The following RHPN1 variants were observed in gnomAD, a reference collection of about 807,000 sequenced individuals.
RHPN1 encodes the protein rhophilin-1.
Under a neutral mutation model 74.7 loss-of-function variants are expected in RHPN1, and 77 were observed. That is an observed-to-expected ratio of 1.03 (90% CI 0.86 to 1.25). RHPN1 has a LOEUF of 1.25. Among genes scored for constraint, RHPN1 ranks in the 50% most tolerant of loss-of-function variants. The pLI, the probability that RHPN1 is intolerant of heterozygous loss-of-function variation, is 0.00. For synonymous variants in RHPN1, 444 were observed against 414.5 expected (o/e 1.07, Z -0.87); for missense variants, 987 against 932.2 (o/e 1.06, Z -0.77).
At chr8:143,375,899 C>T (rs572952525) in intron 2 of RHPN1, among the ~76,000 whole-genome samples, 3 of 152,236 alleles carry the variant, frequency 2.0e-5, no homozygotes, top group African/African-American at 4.8e-5. Context: ...GTGTCCCTGC[C>T]GGGTGTGCAG....
intron 1 of RHPN1, chr8:143,374,131 C>A: frequency 1.0e-6 from 1 of 985,408 alleles, no homozygotes; most frequent in Non-Finnish European, 1.2e-6. Context: ...AGAACTCTCT[C>A]CAGATATCTA....
At chr8:143,372,005 G>A (rs557295842) in intron 1 of RHPN1, among the ~76,000 whole-genome samples, 1 of 152,354 alleles carries the variant, frequency 6.6e-6, no homozygotes, top group South Asian at 2.1e-4. Flanking sequence ...AGGCCGGGAA[G>A]TCACTTGGCC....
In RHPN1 at chr8:143,376,755, G is replaced by A. The variant is rs1586817711; in HGVS notation, c.305+102G>A. The A allele has an allele frequency of 4.4e-6, 6 of 1,378,982 alleles. No individual in the cohort carries two copies. The East Asian group carries it at 7.6e-5, about 17-fold the overall frequency. The allele number at this position is 1,378,982 out of a possible 1,614,324, so 85.4% of individuals were successfully genotyped here. On this transcript the variant is annotated intron_variant, in intron 3 of 14. Coordinates refer to ENST00000289013, the MANE Select transcript of RHPN1 (RefSeq NM_052924.3). ...CATGTGTGTCTCTGTGTGTATATGT[G>A]TGCATTGTCTGTGTGTGTGCGTGTG...
chr8:143,374,415 G>A (rs753321381), intron 1 of RHPN1: 3 of 750,152 alleles, frequency 4.0e-6, no homozygotes, highest in African/African-American at 3.8e-5. Context: ...GCCTTGTCTT[G>A]CTGCTGACTG....
In RHPN1 at chr8:143,376,512, C is replaced by T. The variant is rs373776018; in HGVS notation, c.177-13C>T. 1.9e-5 allele frequency: 30 copies of T among 1,611,390 alleles called. No individual in the cohort carries two copies. The African/African-American group carries it at 3.1e-4, about 16-fold the overall frequency. On this transcript the variant is annotated splice_polypyrimidine_tract_variant and intron_variant, in intron 2 of 14. Transcript: ENST00000289013. ...CTTGGGGCTGGGCTTTCAACTGCCG[C>T]GGCCTCCCTCAGAGCCACCAGCAAC...
chr8:143,372,260 G>A (rs1249821604), intron 1 of RHPN1, among the ~76,000 whole-genome samples: 7 of 151,976 alleles, frequency 4.6e-5, no homozygotes, highest in South Asian at 4.2e-4. Context: ...CTAGGTACTG[G>A]GCAGAGGCCC....
chr8:143,370,512 C>G lies in RHPN1; in HGVS notation c.60+1465C>G, dbSNP rs566217488. ...GCTCAGAGTTCAGTGGGTCAGGGGT[C>G]GGTCGTTCATCCACTTAGAGGCCAC... On this transcript the variant is annotated intron_variant, in intron 1 of 14. Transcript: ENST00000289013. Among the ~76,000 whole-genome samples, 5 of 152,224 alleles carry G rather than the reference C, an allele frequency of 3.3e-5. No homozygotes were observed. The East Asian group carries it at 9.6e-4, about 29-fold the overall frequency.
chr8:143,379,259 G>T (rs547134811), intron 7 of RHPN1, 56 bp from the exon 8 acceptor site: 1 of 1,489,914 alleles, frequency 6.7e-7, no homozygotes, highest in Non-Finnish European at 9.0e-7. Flanking sequence ...GTGCTGCATG[G>T]GGCAGAGATG....
At chr8:143,375,481 A>G in intron 1 of RHPN1, 72 bp from the exon 2 acceptor site, 2 of 1,037,320 alleles carry the variant, frequency 1.9e-6, no homozygotes, top group Non-Finnish European at 2.8e-6. Flanking sequence ...CACTCCTCTC[A>G]GTGGCTGGCG....
chr8:143,382,677 C>T lies in RHPN1; in HGVS notation c.*26C>T, dbSNP rs376898056. On this transcript the variant is annotated 3_prime_UTR_variant, in exon 15 of 15. Coordinates refer to ENST00000289013, the MANE Select transcript of RHPN1 (RefSeq NM_052924.3). ...GGGCCAGGATCCCTGCACGCCTCAG[C>T]CCTGGCTCCAGCTGGCAGCAAGCAC... 8.9e-6 allele frequency: 14 copies of T among 1,577,300 alleles called. No individual in the cohort carries two copies. Among genetic ancestry groups the T allele is most frequent in the Non-Finnish European group, 1.2e-5 (14 of 1,159,324 alleles).
Position 143,378,566 on chromosome 8 carries a change from C to T in RHPN1, c.460-130C>T, listed in dbSNP as rs148469445. The T allele has an allele frequency of 9.9e-4, 1,284 of 1,296,444 alleles. 13 individuals carry two copies. Among genetic ancestry groups the T allele is most frequent in the South Asian group, 9.5e-3 (651 of 68,668 alleles). 80.3% of individuals were successfully genotyped at this position (1,296,444 alleles called of 1,614,324 possible). On this transcript the variant is annotated intron_variant, in intron 5 of 14. Coordinates refer to ENST00000289013, the MANE Select transcript of RHPN1 (RefSeq NM_052924.3). Reference sequence around the variant, plus strand: ...GCATGCTGCTGGCCTTCGGGAGTCACGGCTGCCCAGGGCCCCACTGGCTTT... The same window carrying T: ...GCATGCTGCTGGCCTTCGGGAGTCATGGCTGCCCAGGGCCCCACTGGCTTT...
chr8:143,380,634 TG>T lies in RHPN1; in HGVS notation c.1263del (p.Arg422GlyfsTer18). On this transcript the variant is annotated frameshift_variant, in exon 11 of 15. Transcript: ENST00000289013. LOFTEE classifies it high-confidence loss of function. Reference sequence around the variant, plus strand: ...GCCATCCTGGGGCAGGAGGAGGCGCTGCGGCTGCACGCCCTGTGCCGCGTCC... The same window carrying T: ...GCCATCCTGGGGCAGGAGGAGGCGCTCGGCTGCACGCCCTGTGCCGCGTCC... ...KRAILGQEEALRLHALCRVLR... is the reference protein window; with the variant it reads ...KRAILGQEEAXRLHALCRVLR... The T allele has an allele frequency of 1.3e-6, 2 of 1,556,290 alleles. No homozygotes were observed. Among genetic ancestry groups the T allele is most frequent in the East Asian group, 2.4e-5 (1 of 41,586 alleles).
At chr8:143,382,012 C>T (rs2129642707) in intron 14 of RHPN1, 44 bp downstream of exon 14, 2 of 1,518,450 alleles carry the variant, frequency 1.3e-6, no homozygotes, top group Non-Finnish European at 1.8e-6. Flanking sequence ...AGCTTGCTGT[C>T]ACCACCCTGG....
At chr8:143,375,399 TCCAG>T (rs1818143959) in intron 1 of RHPN1, among the ~76,000 whole-genome samples, 150 bp from the exon 2 acceptor site, 1 of 152,230 alleles carries the variant, frequency 6.6e-6, no homozygotes, top group Non-Finnish European at 1.5e-5. Context: ...ACTAGTTCTG[TCCAG>T]CCCCTCCCTG....
chr8:143,379,630 T>C (rs1166833185), intron 8 of RHPN1, 122 bp downstream of exon 8: 2 of 1,447,080 alleles, frequency 1.4e-6, no homozygotes, highest in Non-Finnish European at 1.8e-6. Flanking sequence ...AGCCAGCTGT[T>C]GTCCTGCTCC....
At chr8:143,378,615 G>T in intron 5 of RHPN1, 81 bp from the exon 6 acceptor site, 5 of 1,492,098 alleles carry the variant, frequency 3.4e-6, no homozygotes, top group Non-Finnish European at 9.0e-7. Flanking sequence ...CCATGGTGCT[G>T]GTGCCCATGG....
chr8:143,369,442 A>C (rs1817683814), intron 1 of RHPN1, among the ~76,000 whole-genome samples: 1 of 152,196 alleles, frequency 6.6e-6, no homozygotes, highest in Non-Finnish European at 1.5e-5. Flanking sequence ...CCGCTCAGGA[A>C]CTGCATGCCC....
chr8:143,379,701 G>T, intron 8 of RHPN1, 128 bp from the exon 9 acceptor site: 1 of 1,453,598 alleles, frequency 6.9e-7, no homozygotes, highest in Non-Finnish European at 9.0e-7. Flanking sequence ...ATGGCACAAA[G>T]CAGCAGGAAC....
At chr8:143,365,206 C>T (rs1044446776), upstream of RHPN1, among the ~76,000 whole-genome samples, 17 of 152,154 alleles carry the variant, frequency 1.1e-4, no homozygotes, top group African/African-American at 3.9e-4. Flanking sequence ...CTAATTAAGG[C>T]TTCCAACCAG....
Sources: gnomAD v4.1 joint callset for allele counts (sites outside exome capture counted in the v4.1 genomes callset) on GRCh38, gnomAD v4.1.1 for gene constraint, MANE v1.5 for transcripts, NCBI Gene and HGNC (gene_info 2026-07-23, HGNC 2026-07-21) for gene names.